The following GSE1 variants were observed in gnomAD, a reference collection of about 807,000 sequenced individuals.
GSE1 encodes Gse1 coiled-coil protein, also known as genetic suppressor element 1.
In GSE1, 32 loss-of-function variants were observed where a neutral mutation model predicts 112.6. That is an observed-to-expected ratio of 0.28 (90% confidence interval 0.21 to 0.38). GSE1 has a LOEUF of 0.38. Ranked by LOEUF, GSE1 falls within the 10% of genes least tolerant of loss-of-function variation. GSE1 has a pLI of 1.00. For synonymous variants in GSE1, 1,115 were observed against 735.6 expected (o/e 1.52, Z -8.35); for missense variants, 2,348 against 1,699.2 (o/e 1.38, Z -6.71).
At chr16:85,448,516 A>G (rs890291026) in intron 2 of GSE1, among the ~76,000 whole-genome samples, 3 of 152,200 alleles carry the variant, frequency 2.0e-5, no homozygotes, top group Admixed American at 1.3e-4. Flanking sequence ...TGCAGTGGAC[A>G]TGAGACTGAG....
chr16:85,176,704 C>T (rs1045244065), intron 1 of GSE1, among the ~76,000 whole-genome samples: 8 of 152,384 alleles, frequency 5.2e-5, no homozygotes, highest in South Asian at 4.1e-4. Context: ...GGGGATGCCC[C>T]GGCCAGGCCC....
chr16:85,564,062 AG>A (rs2045637667), intron 1 of GSE1, among the ~76,000 whole-genome samples: 1 of 152,232 alleles, frequency 6.6e-6, no homozygotes. Context: ...TCCACTGGGC[AG>A]GAGCAGCAGA....
Position 85,449,555 on chromosome 16 carries a change from T to C in GSE1, c.2464+91912T>C, listed in dbSNP as rs532696631. 2.0e-4 allele frequency among the ~76,000 whole-genome samples: 31 copies of C among 152,388 alleles called. 1 individual carries two copies. The highest frequency in any genetic ancestry group is 7.5e-4 in the African/African-American group (31 of 41,600). ...GTAAGCAACGCTTGCCAAGTGAGAT[T>C]GATTGGAAATCGGAGTGGGCGGCAG... On this transcript the variant is annotated intron_variant, in intron 2 of 2. Transcript: ENST00000637419.
chr16:85,259,128 A>G (rs1018445314), intron 1 of GSE1, among the ~76,000 whole-genome samples: 3 of 152,136 alleles, frequency 2.0e-5, no homozygotes, highest in Non-Finnish European at 4.4e-5. Context: ...AGGGTTCTGC[A>G]GGGGCCACCG....
At chr16:85,591,599 C>T (rs1370175303) in intron 1 of GSE1, among the ~76,000 whole-genome samples, 3 of 152,222 alleles carry the variant, frequency 2.0e-5, no homozygotes, top group African/African-American at 7.2e-5. Context: ...AGACCAGCCT[C>T]CCCTCTGACC....
chr16:85,536,629 C>T (rs992429072), intron 2 of GSE1, among the ~76,000 whole-genome samples: 5 of 152,214 alleles, frequency 3.3e-5, no homozygotes, highest in Non-Finnish European at 5.9e-5. Flanking sequence ...TGAGGTACCG[C>T]GAGGCCACGG....
intron 1 of GSE1, among the ~76,000 whole-genome samples, chr16:85,275,654 C>G (rs9940658): frequency 0.74 from 112,681 of 152,228 alleles, 42,652 homozygotes; most frequent in African/African-American, 0.91. Flanking sequence ...CGGTCCTAGA[C>G]GTGGGGAGGC....
At chr16:85,418,746 G>A (rs893808212) in intron 2 of GSE1, among the ~76,000 whole-genome samples, 3 of 152,218 alleles carry the variant, frequency 2.0e-5, no homozygotes, top group African/African-American at 7.2e-5. Flanking sequence ...GGGACAAGCC[G>A]GCAAGCAGGG....
intron 6 of GSE1, 53 bp from the exon 7 acceptor site, chr16:85,656,290 C>T: frequency 6.3e-7 from 1 of 1,594,952 alleles, no homozygotes. Flanking sequence ...TGCCCCAGGT[C>T]CGTCTCTTGT....
intron 2 of GSE1, among the ~76,000 whole-genome samples, chr16:85,647,593 C>CT (rs1216393608): frequency 1.3e-5 from 2 of 152,088 alleles, no homozygotes; most frequent in African/African-American, 4.8e-5. Context: ...CTGACCACTT[C>CT]TTTTTTTGTT....
chr16:85,448,895 G>A (rs184326142), intron 2 of GSE1, among the ~76,000 whole-genome samples: 1 of 152,196 alleles, frequency 6.6e-6, no homozygotes, highest in South Asian at 2.1e-4. Flanking sequence ...TCCGGTTTTG[G>A]GTCAGAAAGG....
intron 2 of GSE1, among the ~76,000 whole-genome samples, chr16:85,386,174 C>T (rs12921603): frequency 0.15 from 22,610 of 152,222 alleles, 2,030 homozygotes; most frequent in South Asian, 0.25. Flanking sequence ...AACCCTCCCA[C>T]GCCCTGCCCC....
intron 1 of GSE1, among the ~76,000 whole-genome samples, chr16:85,580,422 G>GGA (rs1479834457): frequency 6.6e-6 from 1 of 152,184 alleles, no homozygotes; most frequent in Non-Finnish European, 1.5e-5. Context: ...ACCCCGCCAA[G>GGA]GAGGGAGGCT....
intron 2 of GSE1, among the ~76,000 whole-genome samples, chr16:85,648,262 C>T (rs12921685): frequency 0.45 from 68,623 of 151,928 alleles, 16,533 homozygotes; most frequent in Middle Eastern, 0.56. Context: ...TGTCTGGTGG[C>T]GGTGGGCGGC....
At chr16:85,498,066 C>T (rs147648038) in intron 2 of GSE1, among the ~76,000 whole-genome samples, 132 of 152,208 alleles carry the variant, frequency 8.7e-4, no homozygotes, top group African/African-American at 2.9e-3. Flanking sequence ...GGGGTGGGTG[C>T]CTGGATCTGG....
chr16:85,655,080 TGA>T, intron 5 of GSE1, 89 bp downstream of exon 5: 1 of 857,416 alleles, frequency 1.2e-6, no homozygotes. Context: ...TCTTATGACC[TGA>T]GAGCCAGGCT....
chr16:85,458,568 T>A (rs2049894846), intron 2 of GSE1, among the ~76,000 whole-genome samples: 1 of 152,136 alleles, frequency 6.6e-6, no homozygotes, highest in Non-Finnish European at 1.5e-5. Context: ...GCCAGGGGAA[T>A]CTCCTGTTGA....
intron 2 of GSE1, among the ~76,000 whole-genome samples, chr16:85,543,782 C>T (rs146740470): frequency 1.2e-4 from 18 of 152,286 alleles, no homozygotes; most frequent in East Asian, 1.2e-3. Flanking sequence ...TTAGGCTATG[C>T]GAGTGGTTCT....
chr16:85,573,459 T>C (rs928979080), intron 1 of GSE1, among the ~76,000 whole-genome samples: 10 of 152,224 alleles, frequency 6.6e-5, no homozygotes, highest in African/African-American at 2.2e-4. Context: ...CTGTATGTTT[T>C]CATTTCTCTT....
Sources: allele counts gnomAD v4.1 joint callset (sites outside exome capture counted in the v4.1 genomes callset), GRCh38; gene constraint gnomAD v4.1.1; transcripts MANE v1.5; gene names NCBI Gene and HGNC (gene_info 2026-07-23, HGNC 2026-07-21).